The following FAM234A variants were observed in gnomAD, a reference collection of about 807,000 sequenced individuals.
FAM234A encodes protein FAM234A.
Under a neutral mutation model 49.1 loss-of-function variants are expected in FAM234A, and 42 were observed. That is an observed-to-expected ratio of 0.86 (90% CI 0.67 to 1.11). The LOEUF is 1.11. Ranked by LOEUF, FAM234A falls within the 50% of genes least tolerant of loss-of-function variation. FAM234A has a pLI of 0.00. For missense variants in FAM234A, 815 were observed against 745.2 expected (o/e 1.09, Z -1.09); for synonymous variants, 369 against 316.2 (o/e 1.17, Z -1.77).
At chr16:245,428 C>T (rs528677243) in intron 1 of FAM234A, among the ~76,000 whole-genome samples, 1 of 152,266 alleles carries the variant, frequency 6.6e-6, no homozygotes, top group Admixed American at 6.5e-5. Flanking sequence ...TGTGTTTCCC[C>T]TGGGCACCGG....
intron 9 of FAM234A, 27 bp from the exon 10 acceptor site, chr16:263,673 G>A (rs577520197): frequency 4.5e-5 from 72 of 1,583,378 alleles, no homozygotes; most frequent in East Asian, 4.0e-4. Flanking sequence ...GAGACCCCTC[G>A]TGAGCGCTTC....
At position 262,768 on chromosome 16, in the gene FAM234A, T is replaced by G. The variant is rs566060530; in HGVS notation, c.971+215T>G. On this transcript the variant is annotated intron_variant, in intron 8 of 12. Coordinates refer to ENST00000399932, the MANE Select transcript of FAM234A (RefSeq NM_032039.4). ...AAAGGTTCCCGACGCTGTGCCTGTC[T>G]GTCTCCACGGAAAGTGGGGGTCTTT... 2.6e-5 allele frequency among the ~76,000 whole-genome samples: 4 copies of G among 151,666 alleles called. No individual in the cohort carries two copies. The East Asian group carries it at 7.7e-4, about 29-fold the overall frequency.
chr16:254,737 G>A lies in FAM234A; in HGVS notation c.268+56G>A, dbSNP rs73484398. 2,616 of 1,562,886 alleles carry A rather than the reference G, an allele frequency of 1.7e-3. 39 individuals are homozygous for A. In the African/African-American group the frequency reaches 0.027, roughly 16 times the overall value. ...CCAAAGCAGCTCTTCCCAGGGGATG[G>A]GGCGGAGGGGGCAGAACTGTGTCTG... On this transcript the variant is annotated intron_variant, in intron 3 of 12. Transcript: ENST00000399932.
rs993473322 is a variant in FAM234A, at chr16:265,164, C to T, written c.*142C>T. The T allele has an allele frequency of 2.8e-6, 4 of 1,432,028 alleles. No homozygotes were observed. The highest frequency in any genetic ancestry group is 3.6e-6 in the Non-Finnish European group (4 of 1,096,650). The allele number at this position is 1,432,028 out of a possible 1,614,324, so 88.7% of individuals were successfully genotyped here. A position where few individuals can be genotyped will look rare whatever the true frequency, so the allele number is the denominator to read the frequency against. On this transcript the variant is annotated 3_prime_UTR_variant, in exon 13 of 13. Coordinates refer to ENST00000399932, the MANE Select transcript of FAM234A (RefSeq NM_032039.4). ...TCGCCACTGGGCAGCAGCAGCCTTA[C>T]CAGTCCTCCATGATCACACCCAGGG... is the stretch of plus-strand genomic sequence containing the variant.
intron 1 of FAM234A, among the ~76,000 whole-genome samples, chr16:238,752 TGA>T (rs2050497405): frequency 1.3e-5 from 1 of 75,922 alleles, no homozygotes; most frequent in Admixed American, 1.7e-4. Context: ...GGCGACAGAG[TGA>T]GACTCCGTCT....
chr16:264,994 C>G lies in FAM234A; in HGVS notation c.1631C>G (p.Ser544Cys). The G allele has an allele frequency of 6.2e-7, 1 of 1,610,614 alleles. No individual in the cohort carries two copies. The highest frequency in any genetic ancestry group is 8.5e-7 in the Non-Finnish European group (1 of 1,178,430). The part of the protein sequence containing the change: ...DSDQAIRDRF[S>C]RLRYQSEA Reference sequence around the variant, plus strand: ...GACCAAGCCATCAGGGACCGGTTCTCCCGGCTGCGGTACCAGAGTGAGGCG... The same window carrying G: ...GACCAAGCCATCAGGGACCGGTTCTGCCGGCTGCGGTACCAGAGTGAGGCG... Residue 544 changes from serine (S) to cysteine (C), a missense_variant, in exon 13 of 13, where the codon TCC becomes TGC. Coordinates refer to ENST00000399932, the MANE Select transcript of FAM234A (RefSeq NM_032039.4).
At chr16:244,933 C>G (rs539850234) in intron 1 of FAM234A, among the ~76,000 whole-genome samples, 1 of 151,590 alleles carries the variant, frequency 6.6e-6, no homozygotes, top group Non-Finnish European at 1.5e-5. Flanking sequence ...CTCAGGTGAT[C>G]TGCCCGCCTC....
chr16:236,797 G>T (rs28651111), intron 1 of FAM234A, among the ~76,000 whole-genome samples: 3,231 of 74,196 alleles, frequency 0.044, 108 homozygotes, highest in Middle Eastern at 0.083. Flanking sequence ...TCCCAGCTAC[G>T]CGGGAGGCTG....
At chr16:249,109 C>G (rs2050910858) in intron 1 of FAM234A, among the ~76,000 whole-genome samples, 2 of 151,934 alleles carry the variant, frequency 1.3e-5, no homozygotes. Context: ...TTGCTGTGAA[C>G]TCCAAGGAAC....
chr16:252,104 C>T (rs1348060143), intron 2 of FAM234A, among the ~76,000 whole-genome samples: 1 of 151,346 alleles, frequency 6.6e-6, no homozygotes, highest in African/African-American at 2.4e-5. Context: ...CTCAAGGGAT[C>T]CTCCTGCTTT....
chr16:253,664 T>C (rs8047053), intron 2 of FAM234A, among the ~76,000 whole-genome samples: 51,315 of 151,812 alleles, frequency 0.34, 12,131 homozygotes, highest in African/African-American at 0.66. Flanking sequence ...TTAGTAGAGA[T>C]GGGGTTTCAC....
intron 1 of FAM234A, among the ~76,000 whole-genome samples, chr16:245,744 C>G (rs1456248352): frequency 6.6e-6 from 1 of 152,096 alleles, no homozygotes; most frequent in African/African-American, 2.4e-5. Flanking sequence ...TCAAGCCATC[C>G]TGGGCCGAGG....
At chr16:261,642 G>C in intron 6 of FAM234A, 128 bp downstream of exon 6, 1 of 1,166,442 alleles carries the variant, frequency 8.6e-7, no homozygotes. Context: ...GACTCGCCCA[G>C]AGCCCCACGT....
intron 11 of FAM234A, 27 bp downstream of exon 11, chr16:264,198 A>G (rs2051601660): frequency 6.4e-7 from 1 of 1,572,260 alleles, no homozygotes; most frequent in Non-Finnish European, 8.6e-7. Flanking sequence ...CGGAGCAGCC[A>G]TGCTGGGAGC....
At chr16:266,194 AT>A, downstream of FAM234A, 2 of 794,614 alleles carry the variant, frequency 2.5e-6, no homozygotes, top group Non-Finnish European at 3.1e-6. Flanking sequence ...GTGACCAGGA[AT>A]TTGCTGGCCA....
At chr16:243,861 C>G (rs1286553190) in intron 1 of FAM234A, among the ~76,000 whole-genome samples, 1 of 152,180 alleles carries the variant, frequency 6.6e-6, no homozygotes, top group South Asian at 2.1e-4. Context: ...CATTGTCTGA[C>G]TTTGGAGACG....
intron 4 of FAM234A, 120 bp from the exon 5 acceptor site, chr16:259,849 G>A: frequency 2.2e-6 from 2 of 904,354 alleles, no homozygotes; most frequent in Non-Finnish European, 3.4e-6. Flanking sequence ...CCACCTGGCG[G>A]GAGGGGCTGT....
intron 3 of FAM234A, among the ~76,000 whole-genome samples, chr16:258,344 G>T (rs531798321): frequency 1.4e-4 from 21 of 152,290 alleles, no homozygotes; most frequent in African/African-American, 4.8e-4. Flanking sequence ...AGATTAGGGA[G>T]TGGTGATGAC....
intron 1 of FAM234A, among the ~76,000 whole-genome samples, chr16:241,744 C>G (rs1181574424): frequency 1.3e-5 from 2 of 151,738 alleles, no homozygotes; most frequent in Non-Finnish European, 2.9e-5. Flanking sequence ...AGTGAAACCC[C>G]ATCTCTACTA....
Sources: allele counts gnomAD v4.1 joint callset (sites outside exome capture counted in the v4.1 genomes callset), GRCh38; gene constraint gnomAD v4.1.1; transcripts MANE v1.5; gene names NCBI Gene and HGNC (gene_info 2026-07-23, HGNC 2026-07-21).